Variants in KIAA0319L observed in about 807,000 individuals in gnomAD.
The protein encoded by KIAA0319L is KIAA0319 like, also known as dyslexia-associated protein KIAA0319-like protein.
Under a neutral mutation model 120.1 loss-of-function variants are expected in KIAA0319L, and 55 were observed. That is an observed-to-expected ratio of 0.46 (90% CI 0.37 to 0.57). The LOEUF is 0.57. Ranked by LOEUF, KIAA0319L falls within the 20% of genes least tolerant of loss-of-function variation. The pLI, the probability that KIAA0319L is intolerant of heterozygous loss-of-function variation, is 0.00. For synonymous variants in KIAA0319L, 398 were observed against 471.9 expected (o/e 0.84, Z 2.03); for missense variants, 1,049 against 1,255.3 (o/e 0.84, Z 2.48).
chr1:35,439,944 T>C (rs1641078788), intron 20 of KIAA0319L: 1 of 152,184 alleles, frequency 6.6e-6, no homozygotes, highest in Admixed American at 6.5e-5. Context: ...TCTAGCTTTT[T>C]GTGCTAGAAA....
At chr1:35,467,916 T>C (rs1643375717) in intron 6 of KIAA0319L, among the ~76,000 whole-genome samples, 1 of 152,176 alleles carries the variant, frequency 6.6e-6, no homozygotes, top group Non-Finnish European at 1.5e-5. Context: ...CTTGAACTCC[T>C]GACCTCAGGT....
In KIAA0319L at chr1:35,482,025, C is replaced by T. The variant is rs375571016; in HGVS notation, c.667-2813G>A. 5.9e-5 allele frequency among the ~76,000 whole-genome samples: 9 copies of T among 151,868 alleles called. No homozygotes were observed. The East Asian group carries it at 1.4e-3, about 23-fold the overall frequency. Reference sequence around the variant, plus strand: ...ATTTTTAGTAGTGATGGGGTTTCACCGTGTTAGCCAGGATGGTCTCAATCT... The same window carrying T: ...ATTTTTAGTAGTGATGGGGTTTCACTGTGTTAGCCAGGATGGTCTCAATCT... On this transcript the variant is annotated intron_variant, in intron 3 of 20. Coordinates refer to ENST00000325722, the MANE Select transcript of KIAA0319L (RefSeq NM_024874.5).
At chr1:35,448,035 A>C (rs1641766667) in intron 16 of KIAA0319L, 138 bp downstream of exon 16, 11 of 807,190 alleles carry the variant, frequency 1.4e-5, no homozygotes, top group Non-Finnish European at 2.0e-6. Flanking sequence ...ACAGAAGTCT[A>C]TTGAAGAAAA....
intron 16 of KIAA0319L, 57 bp from the exon 17 acceptor site, chr1:35,444,360 G>T: frequency 6.7e-7 from 1 of 1,486,752 alleles, no homozygotes. Context: ...TGCAGCAACA[G>T]CTAACATTTA....
At chr1:35,489,873 G>C (rs1343117127) in intron 3 of KIAA0319L, among the ~76,000 whole-genome samples, 1 of 151,836 alleles carries the variant, frequency 6.6e-6, no homozygotes, top group Non-Finnish European at 1.5e-5. Context: ...CACCATGTTG[G>C]CCAGGTTGGT....
chr1:35,476,491 G>A (rs1320532375), intron 4 of KIAA0319L, among the ~76,000 whole-genome samples: 1 of 152,166 alleles, frequency 6.6e-6, no homozygotes, highest in South Asian at 2.1e-4. Flanking sequence ...AGATTTATCC[G>A]CCTCTGCATG....
rs182107130 is a variant in KIAA0319L, at chr1:35,487,775, A to G, written c.667-8563T>C. On this transcript the variant is annotated intron_variant, in intron 3 of 20. Transcript: ENST00000325722. ...ATGCATTCAATTTTAAAAAGCAGCA[A>G]ACTTACGAAGTTCACCTTGTGTAGA... Among the ~76,000 whole-genome samples, 7 of 152,320 alleles carry G rather than the reference A, an allele frequency of 4.6e-5. No homozygotes were observed. The East Asian group carries it at 1.3e-3, about 29-fold the overall frequency.
intron 7 of KIAA0319L, among the ~76,000 whole-genome samples, chr1:35,463,795 T>C (rs778670637): frequency 6.6e-6 from 1 of 152,182 alleles, no homozygotes; most frequent in Non-Finnish European, 1.5e-5. Flanking sequence ...CTCCCACAAT[T>C]CCCACCTCAT....
chr1:35,512,735 G>A (rs181889541), intron 2 of KIAA0319L, among the ~76,000 whole-genome samples: 1 of 152,100 alleles, frequency 6.6e-6, no homozygotes, highest in Non-Finnish European at 1.5e-5. Context: ...TGGGCATGGT[G>A]GCATTCACCT....
At chr1:35,468,207 C>A (rs540453214) in intron 6 of KIAA0319L, among the ~76,000 whole-genome samples, 3 of 151,826 alleles carry the variant, frequency 2.0e-5, no homozygotes, top group African/African-American at 4.8e-5. Flanking sequence ...AATTGAACCA[C>A]AAGTAGTATC....
chr1:35,541,002 C>T (rs1422029022), intron 2 of KIAA0319L, among the ~76,000 whole-genome samples: 4 of 151,800 alleles, frequency 2.6e-5, no homozygotes, highest in South Asian at 2.1e-4. Context: ...AGTGCAACAG[C>T]GTGATCATGG....
rs574626001 is a variant in KIAA0319L, at chr1:35,527,182, T to C, written c.143-20047A>G. ...TTTGTCCTCCATTCTGTTGACATGA[T>C]GTATCATTTTATTGATTTGCATTTG... On this transcript the variant is annotated intron_variant, in intron 2 of 20. Transcript: ENST00000325722. Among the ~76,000 whole-genome samples the C allele has an allele frequency of 3.3e-5, 5 of 152,310 alleles. No homozygotes were observed. The South Asian group carries it at 1.0e-3, about 32-fold the overall frequency.
At chr1:35,476,804 T>C (rs80174851) in intron 4 of KIAA0319L, among the ~76,000 whole-genome samples, 1,555 of 152,280 alleles carry the variant, frequency 0.01, 18 homozygotes, top group African/African-American at 0.036. Context: ...CCCTGAAAAA[T>C]TAAAAATTGG....
chr1:35,463,705 A>G (rs1435419481), intron 7 of KIAA0319L, among the ~76,000 whole-genome samples: 1 of 152,240 alleles, frequency 6.6e-6, no homozygotes, highest in African/African-American at 2.4e-5. Context: ...AGAAAAGAGC[A>G]TTGAGAATTT....
chr1:35,475,754 T>TA (rs1275901041), intron 4 of KIAA0319L, among the ~76,000 whole-genome samples: 1 of 152,312 alleles, frequency 6.6e-6, no homozygotes, highest in Middle Eastern at 3.4e-3. Context: ...ACTCACCCAC[T>TA]ATGTTACTCT....
intron 8 of KIAA0319L, among the ~76,000 whole-genome samples, chr1:35,461,567 T>A (rs1401266631): frequency 6.6e-6 from 1 of 152,220 alleles, no homozygotes; most frequent in African/African-American, 2.4e-5. Context: ...AGAAGGACTA[T>A]ATATATATTT....
intron 2 of KIAA0319L, among the ~76,000 whole-genome samples, chr1:35,534,124 C>T (rs996797757): frequency 2.6e-5 from 4 of 152,206 alleles, no homozygotes; most frequent in Non-Finnish European, 5.9e-5. Context: ...TGGCAGCTGC[C>T]TCACAAAGCA....
chr1:35,454,343 C>T lies in KIAA0319L; in HGVS notation c.1780+19G>A, dbSNP rs761747546. On this transcript the variant is annotated intron_variant, in intron 11 of 20. Transcript: ENST00000325722. ...GGACCCACCAATAGAAGAGCCTGAA[C>T]CACAAGGCTGGAGCTTACCAGGTTG... 80 of 1,613,218 alleles carry T rather than the reference C, an allele frequency of 5.0e-5. No individual in the cohort carries two copies. In the South Asian group the frequency reaches 8.2e-4, roughly 17 times the overall value.
intron 1 of KIAA0319L, among the ~76,000 whole-genome samples, chr1:35,556,020 C>A (rs1161993928): frequency 1.3e-5 from 2 of 152,312 alleles, no homozygotes; most frequent in Admixed American, 1.3e-4. Flanking sequence ...CTGCTAGGGT[C>A]CAGTTAAAGG....
Sources: gnomAD v4.1 joint callset for allele counts (sites outside exome capture counted in the v4.1 genomes callset) on GRCh38, gnomAD v4.1.1 for gene constraint, MANE v1.5 for transcripts, NCBI Gene and HGNC (gene_info 2026-07-23, HGNC 2026-07-21) for gene names.